Variants in NOS2 observed in about 807,000 individuals in gnomAD.
NOS2 encodes the protein nitric oxide synthase 2.
NOS2 carries 96 observed loss-of-function variants against 136.0 expected under a neutral mutation model. That is an observed-to-expected ratio of 0.71 (90% CI 0.60 to 0.84). NOS2 has a LOEUF of 0.84. Ranked by LOEUF, NOS2 falls within the 40% of genes least tolerant of loss-of-function variation. The pLI, the probability that NOS2 is intolerant of heterozygous loss-of-function variation, is 0.00. For missense variants in NOS2, 1,237 were observed against 1,496.9 expected, an observed-to-expected ratio of 0.83 and a Z score of 2.87; for synonymous variants, 539 against 587.5, an observed-to-expected ratio of 0.92 and a Z score of 1.20.
chr17:27,769,601 T>G lies in NOS2; in HGVS notation c.1810-17A>C, dbSNP rs202044889. 1 of 1,605,016 alleles carries G rather than the reference T, an allele frequency of 6.2e-7. No homozygotes were observed. Among genetic ancestry groups the G allele is most frequent in the East Asian group, 2.2e-5 (1 of 44,860 alleles). On this transcript the variant is annotated splice_polypyrimidine_tract_variant and intron_variant, in intron 15 of 26. Transcript: ENST00000313735. The stretch of plus-strand genomic sequence containing the variant: ...CTTCAGTTTCTAGAAAGAGAGGGAA[T>G]GACAGAGTTCTCAAGCCAGGATGAA...
Position 27,762,785 on chromosome 17 carries a change from G to T in NOS2, c.2800+13C>A. On this transcript the variant is annotated intron_variant, in intron 22 of 26. Transcript: ENST00000313735. ...GGAGCGGGGCTGTTCCAGAGCCTCT[G>T]CCCCTGGCTCACCTCGGGTGTGGTA... 2 of 1,537,034 alleles carry T rather than the reference G, an allele frequency of 1.3e-6. No individual in the cohort carries two copies. The highest frequency in any genetic ancestry group is 1.2e-5 in the South Asian group (1 of 82,948).
intron 18 of NOS2, 121 bp from the exon 19 acceptor site, chr17:27,766,709 G>A: frequency 1.3e-6 from 1 of 752,890 alleles, no homozygotes; most frequent in East Asian, 2.5e-5. Flanking sequence ...TGCTGAGGTG[G>A]CCGTTGGGTT....
chr17:27,795,706 G>T (rs1468609648), intron 2 of NOS2, among the ~76,000 whole-genome samples: 1 of 152,194 alleles, frequency 6.6e-6, no homozygotes, highest in Non-Finnish European at 1.5e-5. Flanking sequence ...CTTTAAAATG[G>T]GATAACTAAA....
At chr17:27,794,860 A>T (rs993624804) in intron 2 of NOS2, among the ~76,000 whole-genome samples, 1 of 152,174 alleles carries the variant, frequency 6.6e-6, no homozygotes, top group African/African-American at 2.4e-5. Context: ...AAATCAAAAT[A>T]TATTCATTGG....
chr17:27,789,048 G>C (rs1005688751), intron 3 of NOS2, 117 bp from the exon 4 acceptor site: 2 of 1,358,092 alleles, frequency 1.5e-6, no homozygotes, highest in African/African-American at 2.9e-5. Flanking sequence ...GTCCCTCCAC[G>C]TCCCTCCTCT....
chr17:27,778,782 T>C lies in NOS2; in HGVS notation c.1189A>G (p.Arg397Gly). 6.2e-7 allele frequency: 1 copy of C among 1,614,186 alleles called. No homozygotes were observed. Among genetic ancestry groups the C allele is most frequent in the Admixed American group, 1.7e-5 (1 of 60,032 alleles). The change falls in exon 11 of 27, where the codon AGG (arginine) becomes GGG (glycine). Residue 397 changes from arginine (R) to glycine (G), a missense_variant. By Grantham distance (125) the Arg-to-Gly change is moderately radical. Transcript: ENST00000313735. Reference sequence around the variant, plus strand: ...TTGTGCGTTTCCAGGCCCATTCTCCTGCCCACTTCCTACAGAGGCAGAGTG... The same window carrying C: ...TTGTGCGTTTCCAGGCCCATTCTCCCGCCCACTTCCTACAGAGGCAGAGTG... ...QRYNILEEVG[R>G]RMGLETHKLA... is the part of the protein sequence containing the mutation.
Position 27,765,530 on chromosome 17 carries a change from C to T in NOS2, c.2428+5G>A, listed in dbSNP as rs1265764113. The T allele has an allele frequency of 6.3e-7, 1 of 1,591,152 alleles. No homozygotes were observed. On this transcript the variant is annotated splice_donor_5th_base_variant and intron_variant, in intron 20 of 26. Coordinates refer to ENST00000313735, the MANE Select transcript of NOS2 (RefSeq NM_000625.4). ...GCAGCACTGGCTTTCTAGCCCGGGG[C>T]TCACCACTCTCATCCAGGGCCTCCA... is the stretch of plus-strand genomic sequence containing the variant.
chr17:27,789,576 G>A (rs1909128052), intron 3 of NOS2, 28 bp downstream of exon 3: 1 of 1,551,644 alleles, frequency 6.4e-7, no homozygotes, highest in Non-Finnish European at 8.9e-7. Context: ...GGAGGAAGGG[G>A]CTTCCCACAC....
chr17:27,789,619 G>C lies in NOS2; in HGVS notation c.180C>G (p.Leu60=). The change falls in exon 3 of 27, where the codon CTC becomes CTG. Residue 60 remains leucine, a synonymous_variant. Coordinates refer to ENST00000313735, the MANE Select transcript of NOS2 (RefSeq NM_000625.4). ...SKQQNESPQP[L]VETGKKSPES... ...ACTCACTGACCTTTCCCGTCTCCAC[G>C]AGGGGCTGCGGGGACTCATTCTGCT... 6.2e-7 allele frequency: 1 copy of C among 1,613,626 alleles called. No individual in the cohort carries two copies. Among genetic ancestry groups the C allele is most frequent in the Non-Finnish European group, 8.5e-7 (1 of 1,179,558 alleles).
intron 7 of NOS2, among the ~76,000 whole-genome samples, 198 bp from the exon 8 acceptor site, chr17:27,781,375 C>T (rs1403198269): frequency 6.6e-6 from 1 of 152,196 alleles, no homozygotes; most frequent in South Asian, 2.1e-4. Flanking sequence ...GGGGCCTTCC[C>T]ATCCATCAGG....
At chr17:27,788,196 G>GCACACACA (rs59431357) in intron 4 of NOS2, among the ~76,000 whole-genome samples, 2,320 of 149,678 alleles carry the variant, frequency 0.015, 24 homozygotes, top group African/African-American at 0.023. Flanking sequence ...GCACACGCGT[G>GCACACACA]CACACACACA....
chr17:27,763,049 G>A lies in NOS2; in HGVS notation c.2593-44C>T, dbSNP rs751130659. ...GTCAGTGACTCAGGGCGCCTGTCCC[G>A]CTTTGGGGAAAAGACTGTCACAACC... On this transcript the variant is annotated intron_variant, in intron 21 of 26. Transcript: ENST00000313735. The A allele has an allele frequency of 1.1e-5, 15 of 1,332,532 alleles. No individual in the cohort carries two copies. The Admixed American group carries it at 1.4e-4, about 13-fold the overall frequency. The allele number at this position is 1,332,532 out of a possible 1,614,324, so 82.5% of individuals were successfully genotyped here.
rs913990567 is a variant in NOS2, at chr17:27,764,099, C to T, written c.2474G>A (p.Ser825Asn). Residue 825 changes from serine (S) to asparagine (N), a missense_variant, in exon 21 of 27, where the codon AGC (serine) becomes AAC (asparagine). Around this residue, in one of 3 missense-constraint regions of NOS2, gnomAD observed 782 missense variants for 909.9 expected, o/e 0.86. Coordinates refer to ENST00000313735, the MANE Select transcript of NOS2 (RefSeq NM_000625.4). ...SDKRLPPCSL[S>N]QALTYFLDIT... The stretch of plus-strand genomic sequence containing the variant: ...GTCCAGGAAGTAGGTGAGGGCCTGG[C>T]TGAGTGAGCAGGGGGGCAGCCTCTT... 6.2e-7 allele frequency: 1 copy of T among 1,604,218 alleles called. No individual in the cohort carries two copies.
intron 5 of NOS2, among the ~76,000 whole-genome samples, chr17:27,787,049 G>A (rs1166253441): frequency 1.3e-5 from 2 of 152,168 alleles, no homozygotes; most frequent in Non-Finnish European, 2.9e-5. Context: ...AAAAAGAAGA[G>A]AACTCCAGAA....
At chr17:27,762,357 C>T (rs1908160631) in intron 22 of NOS2, among the ~76,000 whole-genome samples, 1 of 152,158 alleles carries the variant, frequency 6.6e-6, no homozygotes, top group Non-Finnish European at 1.5e-5. Context: ...CAGAATCTCC[C>T]CTGCGTTCAG....
intron 11 of NOS2, among the ~76,000 whole-genome samples, chr17:27,776,677 GAAAAAAA>G (rs34069634): frequency 3.8e-5 from 3 of 78,124 alleles, no homozygotes; most frequent in Non-Finnish European, 7.4e-5. Flanking sequence ...ATCTCCAAAG[GAAAAAAA>G]AAAAAAAAAA....
At chr17:27,791,528 GT>G (rs1411698336) in intron 2 of NOS2, among the ~76,000 whole-genome samples, 1 of 151,998 alleles carries the variant, frequency 6.6e-6, no homozygotes, top group African/African-American at 2.4e-5. Context: ...TATGCCTGAA[GT>G]TTTTCTTGGT....
chr17:27,772,771 A>C (rs978667020), intron 13 of NOS2, among the ~76,000 whole-genome samples: 1 of 152,090 alleles, frequency 6.6e-6, no homozygotes, highest in Non-Finnish European at 1.5e-5. Flanking sequence ...GCCGTGGCTC[A>C]CATCTGTAAT....
chr17:27,771,885 T>TG (rs1346371993), intron 14 of NOS2, among the ~76,000 whole-genome samples: 1 of 152,216 alleles, frequency 6.6e-6, no homozygotes, highest in Non-Finnish European at 1.5e-5. Context: ...CCCTAAGAGT[T>TG]GGATTTTATC....
Sources: gnomAD v4.1 joint callset for allele counts (sites outside exome capture counted in the v4.1 genomes callset) on GRCh38, gnomAD v4.1.1 for gene constraint, gnomAD v4.1.1 regional missense constraint, MANE v1.5 for transcripts, NCBI Gene and HGNC (gene_info 2026-07-23, HGNC 2026-07-21) for gene names.